RBM34: variants seen among roughly 807,000 people sequenced by gnomAD.
RBM34 encodes the protein RNA-binding protein 34.
Under a neutral mutation model 44.6 loss-of-function variants are expected in RBM34, and 39 were observed. The ratio of observed to expected loss-of-function variants is 0.87; its 90% confidence interval spans 0.68 to 1.14. The LOEUF is 1.14. Among genes scored for constraint, RBM34 ranks in the 50% most tolerant of loss-of-function variants. The pLI is 0.00. For synonymous variants in RBM34, 194 were observed against 184.0 expected, an observed-to-expected ratio of 1.05 and a Z score of -0.44; for missense variants, 572 against 517.9, an observed-to-expected ratio of 1.10 and a Z score of -1.01.
At chr1:235,139,738 T>C (rs2102832364) in intron 6 of RBM34, among the ~76,000 whole-genome samples, 1 of 152,316 alleles carries the variant, frequency 6.6e-6, no homozygotes, top group African/African-American at 2.4e-5. Flanking sequence ...ATCACAGAGC[T>C]GAAGTCTTGG....
chr1:235,149,388 C>CAAAAAAAA (rs1171671362), intron 5 of RBM34, among the ~76,000 whole-genome samples: 1 of 58,000 alleles, frequency 1.7e-5, no homozygotes, highest in Non-Finnish European at 3.6e-5. Context: ...GACTCCGTCT[C>CAAAAAAAA]AAAAAAAAAA....
chr1:235,147,196 A>T (rs1348620617), intron 6 of RBM34, among the ~76,000 whole-genome samples: 1 of 152,196 alleles, frequency 6.6e-6, no homozygotes, highest in Admixed American at 6.5e-5. Flanking sequence ...TTGCCACTGC[A>T]CTCCAGCCTG....
chr1:235,148,525 G>T, intron 5 of RBM34, 78 bp from the exon 6 acceptor site: 1 of 1,074,402 alleles, frequency 9.3e-7, no homozygotes. Context: ...TGAAGTCTAA[G>T]TATCTAACTC....
At chr1:235,132,628 G>A (rs1229939693) in intron 10 of RBM34, among the ~76,000 whole-genome samples, 5 of 152,018 alleles carry the variant, frequency 3.3e-5, no homozygotes, top group South Asian at 2.1e-4. Context: ...TATTTTAAAC[G>A]AATAAACCTC....
rs369483724 is a variant in RBM34, at chr1:235,138,144, A to G, written c.732T>C (p.Ile244=). ...KRKIHPDQKN[I]NAYVVFKEES... is the part of the protein sequence containing the mutation. The stretch of plus-strand genomic sequence containing the variant: ...CCTCCTTAAACACAACATAGGCATT[A>G]ATATTTTTCTGATCAGGATGAATTT... The change falls in exon 7 of 11, where the codon ATT becomes ATC. Residue 244 remains isoleucine, a synonymous_variant. Transcript: ENST00000408888. 73 of 1,603,814 alleles carry G rather than the reference A, an allele frequency of 4.6e-5. No homozygotes were observed. The highest frequency in any genetic ancestry group is 2.6e-4 in the Admixed American group (15 of 57,742).
Position 235,160,791 on chromosome 1 carries a change from T to TGG in RBM34, c.228+101_228+102insCC, listed in dbSNP as rs1352691073. On this transcript the variant is annotated intron_variant, in intron 2 of 10. Coordinates refer to ENST00000408888, the MANE Select transcript of RBM34 (RefSeq NM_015014.4). ...GAAAGGTTACTTAAAATGAATCCTGTCTGCCCCCTTTAGAAATCACGCTTC... is the reference window on the plus strand; with the variant it reads ...GAAAGGTTACTTAAAATGAATCCTGTGGCTGCCCCCTTTAGAAATCACGCTTC... The TGG allele has an allele frequency of 2.4e-5, 37 of 1,529,436 alleles. No individual in the cohort carries two copies. The East Asian group carries it at 8.4e-4, about 35-fold the overall frequency. 94.7% of individuals were successfully genotyped at this position (1,529,436 alleles called of 1,614,324 possible).
At chr1:235,155,305 A>G (rs1662350037) in intron 3 of RBM34, among the ~76,000 whole-genome samples, 193 bp from the exon 4 acceptor site, 1 of 152,158 alleles carries the variant, frequency 6.6e-6, no homozygotes, top group Non-Finnish European at 1.5e-5. Flanking sequence ...ATCTTTAGAA[A>G]AAAAATGATT....
chr1:235,151,825 G>A (rs141566816), intron 5 of RBM34, among the ~76,000 whole-genome samples: 1,730 of 152,254 alleles, frequency 0.011, 32 homozygotes, highest in African/African-American at 0.036. Context: ...CTGAGGTCAC[G>A]AGTTTGAGAC....
At position 235,137,894 on chromosome 1, in the gene RBM34, C is replaced by T. The variant is rs765307260; in HGVS notation, c.832G>A (p.Ala278Thr). Residue 278 changes from alanine (A) to threonine (T), a missense_variant, in exon 8 of 11, where the codon GCA (alanine) becomes ACA (threonine). Physicochemically the swap from Ala to Thr is moderately conservative, Grantham distance 58. Coordinates refer to ENST00000408888, the MANE Select transcript of RBM34 (RefSeq NM_015014.4). ...ADGFRIRVDL[A>T]SETSSRDKRS... ...CTACTTACAGATGAGGTCTCAGATGCGAGATCAACTCTAATACGAAATCCA... is the reference window on the plus strand; with the variant it reads ...CTACTTACAGATGAGGTCTCAGATGTGAGATCAACTCTAATACGAAATCCA... The T allele has an allele frequency of 8.1e-6, 13 of 1,598,976 alleles. No homozygotes were observed. The highest frequency in any genetic ancestry group is 1.7e-5 in the Admixed American group (1 of 59,560).
chr1:235,137,437 C>T (rs1042607187), intron 8 of RBM34, among the ~76,000 whole-genome samples: 4 of 152,132 alleles, frequency 2.6e-5, no homozygotes, highest in Admixed American at 1.3e-4. Context: ...TGCAGTGGCA[C>T]GACTACAGCT....
At chr1:235,148,747 C>T (rs1440477816) in intron 5 of RBM34, among the ~76,000 whole-genome samples, 1 of 151,836 alleles carries the variant, frequency 6.6e-6, no homozygotes, top group East Asian at 1.9e-4. Flanking sequence ...TACAGGCGCC[C>T]GCCACCACGC....
intron 3 of RBM34, 196 bp downstream of exon 3, chr1:235,160,315 C>G (rs1558151864): frequency 6.7e-6 from 5 of 751,434 alleles, no homozygotes; most frequent in Non-Finnish European, 1.2e-5. Context: ...AAAGGTTAGC[C>G]AAATATTAGT....
intron 2 of RBM34, 122 bp from the exon 3 acceptor site, chr1:235,160,769 A>G: frequency 2.0e-6 from 3 of 1,508,512 alleles, no homozygotes; most frequent in Middle Eastern, 3.5e-4. Context: ...GAGTCATGAA[A>G]GGTTACTTAA....
At chr1:235,147,025 G>A (rs534084644) in intron 6 of RBM34, among the ~76,000 whole-genome samples, 3 of 152,226 alleles carry the variant, frequency 2.0e-5, no homozygotes, top group East Asian at 3.9e-4. Context: ...GAAGCCCGGG[G>A]TTCAAGACCA....
rs1281421094 is a variant in RBM34, at chr1:235,160,419, A to C, written c.365+92T>G. ...TAATAAAAGTTTTGAAAGAAAGTAGAAATATGAAATAAAACTGACGAATAT... is the reference window on the plus strand; with the variant it reads ...TAATAAAAGTTTTGAAAGAAAGTAGCAATATGAAATAAAACTGACGAATAT... On this transcript the variant is annotated intron_variant, in intron 3 of 10. Transcript: ENST00000408888. 3.4e-6 allele frequency: 5 copies of C among 1,467,236 alleles called. No homozygotes were observed. In the East Asian group the frequency reaches 6.8e-5, roughly 20 times the overall value. 90.9% of individuals were successfully genotyped at this position (1,467,236 alleles called of 1,614,324 possible).
intron 10 of RBM34, among the ~76,000 whole-genome samples, chr1:235,132,870 G>C (rs1342327354): frequency 6.6e-6 from 1 of 152,172 alleles, no homozygotes; most frequent in African/African-American, 2.4e-5. Flanking sequence ...AAAGGGAGCA[G>C]ACAAGCAGAA....
Position 235,159,976 on chromosome 1 carries a change from G to A in RBM34, c.365+535C>T, listed in dbSNP as rs139200317. ...GCTTCCAAATAATGAGGTGGTAGCT[G>A]GGCGAGGTGGCTCACACCTGTAATC... On this transcript the variant is annotated intron_variant, in intron 3 of 10. Transcript: ENST00000408888. Among the ~76,000 whole-genome samples the A allele has an allele frequency of 6.2e-4, 94 of 152,090 alleles. 1 individual carries two copies. In the East Asian group the frequency reaches 0.018, roughly 29 times the overall value.
At position 235,134,995 on chromosome 1, in the gene RBM34, C is replaced by T. The variant is rs995788938; in HGVS notation, c.1008+657G>A. ...CCGACTTCAGGTGATCCACCCGCCT[C>T]GGCCTCCCAAAGTGCTGGGATTACA... On this transcript the variant is annotated intron_variant, in intron 10 of 10. Coordinates refer to ENST00000408888, the MANE Select transcript of RBM34 (RefSeq NM_015014.4). Among the ~76,000 whole-genome samples the T allele has an allele frequency of 1.1e-4, 17 of 151,854 alleles. No individual in the cohort carries two copies. In the East Asian group the frequency reaches 3.1e-3, roughly 28 times the overall value.
intron 6 of RBM34, among the ~76,000 whole-genome samples, chr1:235,139,953 C>T (rs1661604821): frequency 6.6e-6 from 1 of 152,244 alleles, no homozygotes. Flanking sequence ...CTGGAAGCTG[C>T]CGAGGCAGGA....
Sources: gnomAD v4.1 joint callset for allele counts (sites outside exome capture counted in the v4.1 genomes callset) on GRCh38, gnomAD v4.1.1 for gene constraint, MANE v1.5 for transcripts, NCBI Gene and HGNC (gene_info 2026-07-23, HGNC 2026-07-21) for gene names.